PEX5L: variants seen among roughly 807,000 people sequenced by gnomAD.
PEX5L encodes the protein PEX5-related protein.
In PEX5L, 30 loss-of-function variants were observed where a neutral mutation model predicts 84.0. The observed-to-expected ratio is 0.36, with a 90% CI of 0.27 to 0.48. The LOEUF is 0.48. Ranked by LOEUF, PEX5L falls within the 20% of genes least tolerant of loss-of-function variation. PEX5L has a pLI of 0.99. For synonymous variants in PEX5L, 270 were observed against 283.1 expected, an observed-to-expected ratio of 0.95 and a Z score of 0.46; for missense variants, 533 against 754.6, an observed-to-expected ratio of 0.71 and a Z score of 3.44.
Position 179,797,632 on chromosome 3 carries a change from C to A in PEX5L, c.*4196G>T, listed in dbSNP as rs866891642. ...TATATATATATATATATATATATAT[C>A]TACTTCTTAGTTCAAAACAGTTTAA... is the stretch of plus-strand genomic sequence containing the variant. On this transcript the variant is annotated 3_prime_UTR_variant, in exon 15 of 15. Coordinates refer to ENST00000467460, the MANE Select transcript of PEX5L (RefSeq NM_016559.3). The A allele has an allele frequency of 8.2e-3, 1,027 of 125,702 alleles. 16 individuals carry two copies. The highest frequency in any genetic ancestry group is 0.028 in the African/African-American group (967 of 34,322). 7.8% of individuals were successfully genotyped at this position (125,702 alleles called of 1,614,324 possible).
chr3:179,900,718 C>A, intron 2 of PEX5L: 2 of 1,535,648 alleles, frequency 1.3e-6, no homozygotes, highest in Non-Finnish European at 1.7e-6. Context: ...ACTTTTTCTT[C>A]AAGGTTACAC....
intron 1 of PEX5L, 51 bp downstream of exon 1, chr3:180,036,528 C>T (rs1561097217): frequency 6.4e-7 from 1 of 1,572,604 alleles, no homozygotes; most frequent in Non-Finnish European, 8.8e-7. Context: ...AACCGCCTTG[C>T]TCTTAAATTA....
chr3:179,841,060 A>G (rs765513650), intron 8 of PEX5L, among the ~76,000 whole-genome samples: 8 of 152,128 alleles, frequency 5.3e-5, no homozygotes, highest in Admixed American at 1.3e-4. Flanking sequence ...AGTGGGGGAG[A>G]CAGAAAAGGA....
At chr3:179,811,431 A>G (rs1723809435) in intron 11 of PEX5L, among the ~76,000 whole-genome samples, 1 of 152,114 alleles carries the variant, frequency 6.6e-6, no homozygotes, top group South Asian at 2.1e-4. Context: ...TCCTGCTCCA[A>G]CGTCATCCAG....
intron 8 of PEX5L, among the ~76,000 whole-genome samples, chr3:179,832,628 CTACT>C (rs931357630): frequency 3.0e-4 from 46 of 150,836 alleles, no homozygotes; most frequent in African/African-American, 1.1e-3. Context: ...ACCAACCTTC[CTACT>C]TACTTACCTA....
intron 1 of PEX5L, among the ~76,000 whole-genome samples, chr3:180,032,304 AC>A (rs1472005632): frequency 1.3e-5 from 2 of 152,202 alleles, no homozygotes; most frequent in Admixed American, 1.3e-4. Context: ...GAGGAAGAAG[AC>A]CAGGTGCCAC....
At chr3:179,983,395 A>G (rs1471946933) in intron 1 of PEX5L, among the ~76,000 whole-genome samples, 1 of 152,048 alleles carries the variant, frequency 6.6e-6, no homozygotes, top group Non-Finnish European at 1.5e-5. Flanking sequence ...ACAATAGCAC[A>G]TAAGTATTGT....
In PEX5L at chr3:180,036,603, G is replaced by T; in HGVS notation, c.-4C>A. ...CCTGCATGTGTCCCTGGTACATTCT[G>T]CTTCGGTTTCTTCAGGGCTCCCTGA... On this transcript the variant is annotated 5_prime_UTR_variant, in exon 1 of 15. Coordinates refer to ENST00000467460, the MANE Select transcript of PEX5L (RefSeq NM_016559.3). The T allele has an allele frequency of 6.2e-7, 1 of 1,614,132 alleles. No individual in the cohort carries two copies. The highest frequency in any genetic ancestry group is 8.5e-7 in the Non-Finnish European group (1 of 1,179,958).
intron 1 of PEX5L, among the ~76,000 whole-genome samples, chr3:179,975,421 A>G (rs1785654158): frequency 6.6e-6 from 1 of 152,218 alleles, no homozygotes; most frequent in African/African-American, 2.4e-5. Flanking sequence ...CTTCATACTC[A>G]TTAGGAATGG....
chr3:179,854,957 T>G (rs1743342500), intron 8 of PEX5L, among the ~76,000 whole-genome samples: 1 of 152,234 alleles, frequency 6.6e-6, no homozygotes, highest in Non-Finnish European at 1.5e-5. Context: ...GTGATCAGGT[T>G]CAGCTTTTCT....
In PEX5L at chr3:180,036,775, C is replaced by A. The variant is rs1375034464; in HGVS notation, c.-176G>T. The A allele has an allele frequency of 9.1e-6, 6 of 659,812 alleles. No individual in the cohort carries two copies. The highest frequency in any genetic ancestry group is 1.8e-5 in the African/African-American group (1 of 55,614). 40.9% of individuals were successfully genotyped at this position (659,812 alleles called of 1,614,324 possible). ...GGCGGCCACTCGGCAGCGCTGCGGG[C>A]TGCCGGGAACTGTTCTCCGCTCGGG... On this transcript the variant is annotated 5_prime_UTR_variant, in exon 1 of 15. Coordinates refer to ENST00000467460, the MANE Select transcript of PEX5L (RefSeq NM_016559.3).
intron 8 of PEX5L, among the ~76,000 whole-genome samples, chr3:179,829,625 C>T (rs1731876781): frequency 6.6e-6 from 1 of 152,224 alleles, no homozygotes; most frequent in Admixed American, 6.5e-5. Context: ...TTTATAGCTA[C>T]AACTAAGCAA....
intron 7 of PEX5L, among the ~76,000 whole-genome samples, chr3:179,859,928 GA>G (rs1156770051): frequency 2.0e-5 from 3 of 151,476 alleles, no homozygotes; most frequent in East Asian, 1.9e-4. Flanking sequence ...TACTTATTTC[GA>G]AAAAAAATTA....
At chr3:180,027,145 C>T (rs576314353) in intron 1 of PEX5L, among the ~76,000 whole-genome samples, 26 of 152,186 alleles carry the variant, frequency 1.7e-4, no homozygotes, top group East Asian at 1.9e-4. Flanking sequence ...AGGGTAGTTG[C>T]GGAACCAGTG....
chr3:179,798,819 C>T lies in PEX5L; in HGVS notation c.*3009G>A, dbSNP rs1216213367. 6.6e-6 allele frequency: 1 copy of T among 152,010 alleles called. No homozygotes were observed. Among genetic ancestry groups the T allele is most frequent in the Admixed American group, 6.6e-5 (1 of 15,252 alleles). The allele number at this position is 152,010 out of a possible 1,614,324, so 9.4% of individuals were successfully genotyped here. On this transcript the variant is annotated 3_prime_UTR_variant, in exon 15 of 15. Transcript: ENST00000467460. ...TCTGCCAAAAAATAAAGTAGATGCA[C>T]TTCTAAGAAACAAAACATTTACTGT...
chr3:179,807,693 T>A lies in PEX5L; in HGVS notation c.1657A>T (p.Ile553Phe), dbSNP rs780402186. ...RSRYNLGISC[I>F]NLGAYREAVS... is the part of the protein sequence containing the mutation. The stretch of plus-strand genomic sequence containing the variant: ...CTTCACCTGTAGGCGCCCAGGTTGA[T>A]GCAGCTTATTCCTAGGTTGTATCTG... The change falls in exon 14 of 15, where the codon ATC becomes TTC. Residue 553 changes from isoleucine (I) to phenylalanine (F), a missense_variant. Ile to Phe is a conservative substitution (Grantham distance 21). Around this residue, in one of 8 missense-constraint regions of PEX5L, gnomAD observed 105 missense variants for 204.6 expected, o/e 0.51. Coordinates refer to ENST00000467460, the MANE Select transcript of PEX5L (RefSeq NM_016559.3). 1.9e-6 allele frequency: 3 copies of A among 1,614,052 alleles called. No individual in the cohort carries two copies. In the African/African-American group the frequency reaches 4.0e-5, roughly 22 times the overall value.
intron 2 of PEX5L, among the ~76,000 whole-genome samples, chr3:179,961,313 A>G (rs1049015200): frequency 3.9e-5 from 6 of 152,050 alleles, no homozygotes; most frequent in African/African-American, 1.2e-4. Context: ...AAAAATGGAA[A>G]TGACAGAATT....
chr3:179,827,494 T>C (rs1312363965), intron 8 of PEX5L, among the ~76,000 whole-genome samples: 1 of 152,212 alleles, frequency 6.6e-6, no homozygotes, highest in Non-Finnish European at 1.5e-5. Context: ...TCTGACACCT[T>C]GTGGAACAAA....
At chr3:179,805,051 A>G (rs1270459764) in intron 14 of PEX5L, among the ~76,000 whole-genome samples, 7 of 151,702 alleles carry the variant, frequency 4.6e-5, no homozygotes, top group African/African-American at 1.7e-4. Context: ...CCTGGGAGGC[A>G]GAAGTTGCAG....
Sources: gnomAD v4.1 joint callset for allele counts (sites outside exome capture counted in the v4.1 genomes callset) on GRCh38, gnomAD v4.1.1 for gene constraint, gnomAD v4.1.1 regional missense constraint, MANE v1.5 for transcripts, NCBI Gene and HGNC (gene_info 2026-07-23, HGNC 2026-07-21) for gene names.